Variants in C1orf21 observed in about 807,000 individuals in gnomAD.
The protein encoded by C1orf21 is chromosome 1 open reading frame 21, also known as uncharacterized protein C1orf21.
A neutral mutation model predicts 18.7 loss-of-function variants in C1orf21; 3 were observed. The observed-to-expected ratio is 0.16, with a 90% CI of 0.07 to 0.42. The LOEUF is 0.42. Ranked by LOEUF, C1orf21 falls within the 10% of genes least tolerant of loss-of-function variation. C1orf21 has a pLI of 0.99. For synonymous variants in C1orf21, 41 were observed against 46.4 expected (o/e 0.88, Z 0.47); for missense variants, 104 against 143.6 (o/e 0.72, Z 1.41).
chr1:184,571,790 T>G (rs1439981773), intron 3 of C1orf21, among the ~76,000 whole-genome samples: 1 of 152,208 alleles, frequency 6.6e-6, no homozygotes, highest in African/African-American at 2.4e-5. Context: ...CCTCTTTAAT[T>G]TATATAGATT....
At chr1:184,472,916 G>A (rs956302881) in intron 1 of C1orf21, among the ~76,000 whole-genome samples, 1 of 152,124 alleles carries the variant, frequency 6.6e-6, no homozygotes, top group Non-Finnish European at 1.5e-5. Context: ...AACATGCACG[G>A]TTATACATTT....
intron 2 of C1orf21, among the ~76,000 whole-genome samples, chr1:184,501,305 C>T (rs1657973409): frequency 1.3e-5 from 2 of 152,120 alleles, no homozygotes; most frequent in Non-Finnish European, 2.9e-5. Flanking sequence ...TCATGTCTGC[C>T]ATGTTGCATG....
chr1:184,624,541 T>C lies in C1orf21; in HGVS notation c.*4985T>C, dbSNP rs1325185070. 1 of 152,144 alleles carries C rather than the reference T, an allele frequency of 6.6e-6. No individual in the cohort carries two copies. The highest frequency in any genetic ancestry group is 1.5e-5 in the Non-Finnish European group (1 of 68,018). 9.4% of individuals were successfully genotyped at this position (152,144 alleles called of 1,614,324 possible). On this transcript the variant is annotated 3_prime_UTR_variant, in exon 6 of 6. Transcript: ENST00000235307. ...TTAAGGTTAAAAGTCTTGACCTTCA[T>C]GGGGGTCTGGGACAATCCGATCTCC...
intron 3 of C1orf21, among the ~76,000 whole-genome samples, chr1:184,559,347 A>G (rs116010452): frequency 0.022 from 3,293 of 152,030 alleles, 119 homozygotes; most frequent in African/African-American, 0.076. Flanking sequence ...CCATGAGTAA[A>G]AGCTCCCTGA....
chr1:184,422,972 A>G (rs1217052134), intron 1 of C1orf21, among the ~76,000 whole-genome samples: 1 of 152,198 alleles, frequency 6.6e-6, no homozygotes, highest in Non-Finnish European at 1.5e-5. Context: ...TAAGGCATGT[A>G]CTACTAGGTT....
At chr1:184,605,473 G>A (rs1318984924) in intron 5 of C1orf21, among the ~76,000 whole-genome samples, 1 of 152,186 alleles carries the variant, frequency 6.6e-6, no homozygotes, top group African/African-American at 2.4e-5. Flanking sequence ...AGAACACTGG[G>A]CTTCAAATGG....
intron 3 of C1orf21, among the ~76,000 whole-genome samples, chr1:184,570,300 T>C (rs1407924069): frequency 6.6e-6 from 1 of 152,190 alleles, no homozygotes. Flanking sequence ...TTAAATAATG[T>C]TTAATAAGTT....
chr1:184,540,263 C>A (rs1658627035), intron 3 of C1orf21, among the ~76,000 whole-genome samples: 2 of 152,090 alleles, frequency 1.3e-5, no homozygotes, highest in Non-Finnish European at 2.9e-5. Flanking sequence ...TGTTATTGTT[C>A]TTTCATGGTA....
Position 184,405,571 on chromosome 1 carries a change from C to G in C1orf21, c.-125+18203C>G, listed in dbSNP as rs141251392. On this transcript the variant is annotated intron_variant, in intron 1 of 5. Transcript: ENST00000235307. ...CCCCCATTCTTGCTACCCCTACTTT[C>G]CACTGATATTTTCGCAGAGAATGCA... 3.7e-3 allele frequency among the ~76,000 whole-genome samples: 556 copies of G among 152,260 alleles called. 3 individuals are homozygous for G. Among genetic ancestry groups the G allele is most frequent in the Non-Finnish European group, 6.2e-3 (420 of 68,018 alleles).
rs185435190 is a variant in C1orf21 at position 184,598,916 on chromosome 1, T to C, written c.327+455T>C. ...TAGGAAAATGGCATTGAGACAGATA[T>C]TATCTACATTTTACAGAAGGAAACA... is the stretch of plus-strand genomic sequence containing the variant. On this transcript the variant is annotated intron_variant, in intron 5 of 5. Transcript: ENST00000235307. 2.6e-4 allele frequency among the ~76,000 whole-genome samples: 40 copies of C among 152,298 alleles called. No individual in the cohort carries two copies. In the East Asian group the frequency reaches 7.5e-3, roughly 29 times the overall value.
intron 4 of C1orf21, among the ~76,000 whole-genome samples, chr1:184,593,897 A>T (rs559271223): frequency 1.2e-4 from 19 of 152,328 alleles, no homozygotes; most frequent in African/African-American, 3.6e-4. Flanking sequence ...ATAGAACATG[A>T]CGCACTCTAT....
intron 3 of C1orf21, chr1:184,566,625 T>C: frequency 2.6e-6 from 1 of 378,894 alleles, no homozygotes; most frequent in Non-Finnish European, 5.1e-6. Flanking sequence ...ACCACCAGGT[T>C]GGTCACAGCT....
At chr1:184,533,000 T>G (rs551122173) in intron 3 of C1orf21, among the ~76,000 whole-genome samples, 1 of 152,340 alleles carries the variant, frequency 6.6e-6, no homozygotes, top group South Asian at 2.1e-4. Context: ...TCATGAGTAT[T>G]AAAGTCATCT....
chr1:184,521,227 C>G (rs912158756), intron 3 of C1orf21, among the ~76,000 whole-genome samples: 1 of 152,102 alleles, frequency 6.6e-6, no homozygotes, highest in African/African-American at 2.4e-5. Context: ...ATCTGAATTT[C>G]TTACAATGCT....
intron 5 of C1orf21, among the ~76,000 whole-genome samples, chr1:184,617,422 G>GT (rs1328083286): frequency 2.9e-4 from 44 of 152,304 alleles, no homozygotes; most frequent in Middle Eastern, 3.4e-3. Context: ...TGATATTTAT[G>GT]GCATTGTGTG....
intron 1 of C1orf21, among the ~76,000 whole-genome samples, chr1:184,445,343 CCTCTCTCT>C (rs57710614): frequency 1.9e-4 from 26 of 134,888 alleles, no homozygotes; most frequent in East Asian, 2.1e-4. Context: ...TTTTTTCAGA[CCTCTCTCT>C]CTCTCTCTCT....
At chr1:184,567,578 C>T (rs1659052156) in intron 3 of C1orf21, 2 of 472,014 alleles carry the variant, frequency 4.2e-6, no homozygotes, top group South Asian at 3.4e-5. Context: ...GGATCAGCTA[C>T]ATCGCAGGTC....
At chr1:184,530,600 C>CTTTT (rs1184327589) in intron 3 of C1orf21, among the ~76,000 whole-genome samples, 1 of 111,464 alleles carries the variant, frequency 9.0e-6, no homozygotes, top group Admixed American at 9.0e-5. Context: ...TTTCTTTTTT[C>CTTTT]TTTTTTTTTT....
intron 1 of C1orf21, among the ~76,000 whole-genome samples, chr1:184,454,204 A>G (rs1201611159): frequency 6.6e-6 from 1 of 152,168 alleles, no homozygotes; most frequent in Non-Finnish European, 1.5e-5. Flanking sequence ...GTTTTGCTAT[A>G]TTTTATATTT....
Sources: gnomAD v4.1 joint callset for allele counts (sites outside exome capture counted in the v4.1 genomes callset) on GRCh38, gnomAD v4.1.1 for gene constraint, MANE v1.5 for transcripts, NCBI Gene and HGNC (gene_info 2026-07-23, HGNC 2026-07-21) for gene names.